Variants in NLRP5 observed in about 807,000 individuals in gnomAD.
NLRP5 encodes the protein NLR family pyrin domain containing 5.
NLRP5 carries 93 observed loss-of-function variants against 113.1 expected under a neutral mutation model. The ratio of observed to expected loss-of-function variants is 0.82; its 90% CI spans 0.70 to 0.98. NLRP5 has a LOEUF of 0.98. NLRP5 is among the 50% of genes least tolerant of loss of function. The probability of loss-of-function intolerance (pLI) is 0.00; values close to 1 mark genes in which losing one functional copy is unlikely to be tolerated. For synonymous variants in NLRP5, 751 were observed against 600.7 expected, an observed-to-expected ratio of 1.25 and a Z score of -3.66; for missense variants, 1,808 against 1,514.3, an observed-to-expected ratio of 1.19 and a Z score of -3.22.
rs532856551 is a variant in NLRP5 at position 56,061,613 on chromosome 19, G to A, written c.*85G>A. ...CTCAGAGCAAGCTATGCACCTGGGA[G>A]TTCCTTCTCAAAGATGGAGAATGAT... On this transcript the variant is annotated 3_prime_UTR_variant, in exon 15 of 15. Coordinates refer to ENST00000390649, the MANE Select transcript of NLRP5 (RefSeq NM_153447.4). The A allele has an allele frequency of 9.9e-6, 14 of 1,416,806 alleles. No homozygotes were observed. The East Asian group carries it at 1.8e-4, about 19-fold the overall frequency. The allele number at this position is 1,416,806 out of a possible 1,614,324, so 87.8% of individuals were successfully genotyped here. A position where few individuals can be genotyped will look rare whatever the true frequency, so the allele number is the denominator to read the frequency against.
chr19:56,013,356 C>G (rs1218918236), intron 3 of NLRP5, among the ~76,000 whole-genome samples: 2 of 151,858 alleles, frequency 1.3e-5, no homozygotes, highest in African/African-American at 2.4e-5. Context: ...CTACACCCAG[C>G]TAATTTTTTG....
At chr19:56,016,780 T>A (rs55866819) in intron 4 of NLRP5, among the ~76,000 whole-genome samples, 7 of 152,246 alleles carry the variant, frequency 4.6e-5, no homozygotes, top group Middle Eastern at 3.4e-3. Context: ...GAATTTCCTG[T>A]ATGTTTTAGA....
At chr19:56,054,710 G>A (rs1206842732) in intron 13 of NLRP5, among the ~76,000 whole-genome samples, 3 of 152,160 alleles carry the variant, frequency 2.0e-5, no homozygotes, top group East Asian at 1.9e-4. Flanking sequence ...AGTCAAGTTC[G>A]TACATAAAGT....
intron 11 of NLRP5, among the ~76,000 whole-genome samples, chr19:56,042,476 G>A (rs1983557036): frequency 6.6e-6 from 1 of 152,120 alleles, no homozygotes; most frequent in African/African-American, 2.4e-5. Flanking sequence ...AGCCTCCCAA[G>A]TAGATGAGAT....
In NLRP5 at chr19:56,033,243, T is replaced by G. The variant is rs532371324; in HGVS notation, c.2448-299T>G. Among the ~76,000 whole-genome samples the G allele has an allele frequency of 1.4e-3, 210 of 151,992 alleles. 1 individual carries two copies. Among genetic ancestry groups the G allele is most frequent in the African/African-American group, 4.4e-3 (183 of 41,418 alleles). On this transcript the variant is annotated intron_variant, in intron 8 of 14. Transcript: ENST00000390649. Reference sequence around the variant, plus strand: ...TCCAGCCTGGGTGACAGAGTGAGACTCCATCTTAAACAAAAAACAAAAAAA... The same window carrying G: ...TCCAGCCTGGGTGACAGAGTGAGACGCCATCTTAAACAAAAAACAAAAAAA...
chr19:55,997,964 T>G (rs1402098871), upstream of NLRP5, among the ~76,000 whole-genome samples: 1 of 152,192 alleles, frequency 6.6e-6, no homozygotes, highest in Admixed American at 6.6e-5. Flanking sequence ...TTTTATTCTC[T>G]GAATGTTGAA....
In NLRP5 at chr19:56,038,090, C is replaced by G. The variant is rs767179195; in HGVS notation, c.2681C>G (p.Pro894Arg). 1.9e-6 allele frequency: 3 copies of G among 1,613,858 alleles called. No homozygotes were observed. Among genetic ancestry groups the G allele is most frequent in the South Asian group, 2.2e-5 (2 of 91,088 alleles). ...ATCTCCCAAATCCTTACGACCTCCC[C>G]CAGCCTGAAATCTCTGAGCCTGGCA... is the stretch of plus-strand genomic sequence containing the variant. Residue 894 changes from proline to arginine, a missense_variant, in exon 10 of 15, where the codon CCC (proline) becomes CGC (arginine). By Grantham distance (103) the Pro-to-Arg change is moderately radical. Transcript: ENST00000390649.
Position 56,027,355 on chromosome 19 carries a change from C to T in NLRP5, c.1122C>T (p.Asp374=), listed in dbSNP as rs776683793. ...ACCTGGGCTCTGTCCTCAACAATGA[C>T]ACAAAGCTCTGCAAAGACTGGGCTG... The change falls in exon 7 of 15, where the codon GAC becomes GAT. Residue 374 remains aspartate (D), a synonymous_variant. Coordinates refer to ENST00000390649, the MANE Select transcript of NLRP5 (RefSeq NM_153447.4). 2.5e-5 allele frequency: 40 copies of T among 1,613,250 alleles called. No homozygotes were observed. Among genetic ancestry groups the T allele is most frequent in the Middle Eastern group, 1.6e-4 (1 of 6,084 alleles).
Position 56,028,143 on chromosome 19 carries a change from T to G in NLRP5, c.1910T>G (p.Leu637Trp). The stretch of plus-strand genomic sequence containing the variant: ...CACTCGCTTTGGATGAAGCGTTTCT[T>G]GTTTGGCCTCGTGAGCGAAGACGTA... The change falls in exon 7 of 15, where the codon TTG (leucine) becomes TGG (tryptophan). Residue 637 changes from leucine to tryptophan, a missense_variant. By Grantham distance (61) the Leu-to-Trp change is moderately conservative. Transcript: ENST00000390649. The G allele has an allele frequency of 6.2e-7, 1 of 1,614,016 alleles. No homozygotes were observed. The highest frequency in any genetic ancestry group is 8.5e-7 in the Non-Finnish European group (1 of 1,179,888).
chr19:56,026,933 G>T lies in NLRP5; in HGVS notation c.700G>T (p.Asp234Tyr). Reference sequence around the variant, plus strand: ...TCCAGGACATGGAGGTGACACATGGGACTACAAGAGTCACGTGATGACCAA... The same window carrying T: ...TCCAGGACATGGAGGTGACACATGGTACTACAAGAGTCACGTGATGACCAA... Residue 234 changes from aspartate (D) to tyrosine (Y), a missense_variant, in exon 7 of 15, where the codon GAC (aspartate) becomes TAC (tyrosine). Coordinates refer to ENST00000390649, the MANE Select transcript of NLRP5 (RefSeq NM_153447.4). The T allele has an allele frequency of 3.2e-6, 5 of 1,551,572 alleles. No homozygotes were observed. Among genetic ancestry groups the T allele is most frequent in the Non-Finnish European group, 4.4e-6 (5 of 1,146,946 alleles).
Position 56,027,426 on chromosome 19 carries a change from T to G in NLRP5, c.1193T>G (p.Val398Gly). Residue 398 changes from valine to glycine, a missense_variant, in exon 7 of 15, where the codon GTC (valine) becomes GGC (glycine). Coordinates refer to ENST00000390649, the MANE Select transcript of NLRP5 (RefSeq NM_153447.4). ...CTCATACGCAGTCTGCTGAGGAAGG[T>G]CCTGCTCCCTGAGTCCTTCCTGATC... is the stretch of plus-strand genomic sequence containing the variant. 1.2e-6 allele frequency: 2 copies of G among 1,613,496 alleles called. No homozygotes were observed. The highest frequency in any genetic ancestry group is 1.7e-6 in the Non-Finnish European group (2 of 1,179,716).
At chr19:56,047,506 T>C (rs1983773032) in intron 11 of NLRP5, among the ~76,000 whole-genome samples, 1 of 152,190 alleles carries the variant, frequency 6.6e-6, no homozygotes, top group African/African-American at 2.4e-5. Context: ...CAGGAGCAGG[T>C]TATTTAATTT....
At chr19:55,999,921 C>A in intron 1 of NLRP5, 1 of 710,302 alleles carries the variant, frequency 1.4e-6, no homozygotes, top group South Asian at 1.5e-5. Context: ...AGAACACTCC[C>A]CGGGGTAGAA....
At chr19:56,015,572 C>T (rs1002063702) in intron 3 of NLRP5, among the ~76,000 whole-genome samples, 170 bp from the exon 4 acceptor site, 5 of 152,200 alleles carry the variant, frequency 3.3e-5, no homozygotes, top group Admixed American at 6.5e-5. Flanking sequence ...GAATCTAGTA[C>T]TTATGTTACT....
chr19:56,004,506 T>TAGG (rs1301269247), intron 2 of NLRP5, among the ~76,000 whole-genome samples: 1 of 152,114 alleles, frequency 6.6e-6, no homozygotes, highest in Non-Finnish European at 1.5e-5. Context: ...GTGTAATGCA[T>TAGG]AGGAAGTGGC....
intron 14 of NLRP5, among the ~76,000 whole-genome samples, chr19:56,058,831 G>A (rs379192): frequency 0.16 from 24,128 of 152,148 alleles, 2,117 homozygotes; most frequent in Middle Eastern, 0.2. Flanking sequence ...CCAGGCGCTC[G>A]TGGATGAAAG....
intron 11 of NLRP5, 58 bp from the exon 12 acceptor site, chr19:56,050,360 T>G: frequency 6.5e-7 from 1 of 1,534,904 alleles, no homozygotes. Context: ...GCAGCTCACT[T>G]GAGGCCATGC....
intron 7 of NLRP5, among the ~76,000 whole-genome samples, chr19:56,031,651 G>T: frequency 6.8e-6 from 1 of 147,646 alleles, no homozygotes; most frequent in East Asian, 2.0e-4. Context: ...AAAAAATGTA[G>T]ACTCATGCAG....
At position 56,050,502 on chromosome 19, in the gene NLRP5, C is replaced by A; in HGVS notation, c.3042C>A (p.Ser1014Arg). Residue 1014 changes from serine (S) to arginine (R), a missense_variant, in exon 12 of 15, where the codon AGC becomes AGA. Transcript: ENST00000390649. Reference sequence around the variant, plus strand: ...GTAACTCATGGCTGACGCACCTGAGCCTTAGCATGAACCCTGTGGAAGACA... The same window carrying A: ...GTAACTCATGGCTGACGCACCTGAGACTTAGCATGAACCCTGTGGAAGACA... 1 of 1,613,892 alleles carries A rather than the reference C, an allele frequency of 6.2e-7. No homozygotes were observed. The highest frequency in any genetic ancestry group is 8.5e-7 in the Non-Finnish European group (1 of 1,179,856).
Sources: gnomAD v4.1 joint callset for allele counts (sites outside exome capture counted in the v4.1 genomes callset) on GRCh38, gnomAD v4.1.1 for gene constraint, MANE v1.5 for transcripts, NCBI Gene and HGNC (gene_info 2026-07-23, HGNC 2026-07-21) for gene names.